Variants in PRUNE2 observed in about 807,000 individuals in gnomAD.
The protein encoded by PRUNE2 is prune homolog 2 with BCH domain.
A neutral mutation model predicts 252.0 loss-of-function variants in PRUNE2; 164 were observed. The ratio of observed to expected loss-of-function variants is 0.65; its 90% confidence interval spans 0.57 to 0.74. The LOEUF is 0.74. Ranked by LOEUF, PRUNE2 falls within the 30% of genes least tolerant of loss-of-function variation. The probability of loss-of-function intolerance (pLI) is 0.00; values close to 1 mark genes in which losing one functional copy is unlikely to be tolerated. For synonymous variants in PRUNE2, 1,292 were observed against 1,350.2 expected, an observed-to-expected ratio of 0.96 and a Z score of 0.94; for missense variants, 3,495 against 3,711.0, an observed-to-expected ratio of 0.94 and a Z score of 1.51.
intron 6 of PRUNE2, among the ~76,000 whole-genome samples, chr9:76,719,739 C>G (rs966887206): frequency 1.3e-5 from 2 of 151,926 alleles, no homozygotes; most frequent in African/African-American, 4.8e-5. Flanking sequence ...ACTCAACCTC[C>G]TAGGCTCAAG....
chr9:76,614,391 C>T lies in PRUNE2; in HGVS notation c.*179G>A. ...ATAATTGGCAAAATAGGAAAGTACA[C>T]ACAATTTCATAAAATATCTTAAGAG... On this transcript the variant is annotated 3_prime_UTR_variant, in exon 19 of 19. Transcript: ENST00000376718. 1 of 627,996 alleles carries T rather than the reference C, an allele frequency of 1.6e-6. No individual in the cohort carries two copies. The highest frequency in any genetic ancestry group is 2.8e-6 in the Non-Finnish European group (1 of 357,364). The allele number at this position is 627,996 out of a possible 1,614,324, so 38.9% of individuals were successfully genotyped here.
intron 1 of PRUNE2, among the ~76,000 whole-genome samples, chr9:76,870,710 A>G (rs868070232): frequency 2.0e-5 from 3 of 150,922 alleles, no homozygotes; most frequent in Admixed American, 6.6e-5. Context: ...AAAATCCTCA[A>G]TGGGTTGGTT....
At chr9:76,814,731 G>A (rs772725898) in intron 6 of PRUNE2, among the ~76,000 whole-genome samples, 1 of 152,128 alleles carries the variant, frequency 6.6e-6, no homozygotes, top group African/African-American at 2.4e-5. Context: ...AGGCATGTTG[G>A]GGGTGGGGGA....
chr9:76,744,639 T>A (rs2049943826), intron 6 of PRUNE2, among the ~76,000 whole-genome samples: 1 of 152,172 alleles, frequency 6.6e-6, no homozygotes, highest in South Asian at 2.1e-4. Flanking sequence ...CTTGCTGAGT[T>A]CCCACATGTT....
intron 12 of PRUNE2, among the ~76,000 whole-genome samples, chr9:76,640,430 AT>A (rs1842073598): frequency 1.3e-5 from 2 of 152,222 alleles, no homozygotes; most frequent in Non-Finnish European, 2.9e-5. Flanking sequence ...TGTATACAGT[AT>A]TTATACTACA....
At position 76,706,403 on chromosome 9, in the gene PRUNE2, C is replaced by T; in HGVS notation, c.5871G>A (p.Glu1957=). The T allele has an allele frequency of 6.2e-7, 1 of 1,605,318 alleles. No individual in the cohort carries two copies. The highest frequency in any genetic ancestry group is 8.5e-7 in the Non-Finnish European group (1 of 1,179,064). The change falls in exon 8 of 19, where the codon GAG becomes GAA. Residue 1957 remains glutamate (E), a synonymous_variant. Coordinates refer to ENST00000376718, the MANE Select transcript of PRUNE2 (RefSeq NM_015225.3). The part of the protein sequence containing the change: ...DELTPETPTQ[E]QCQDTMLPVC... The stretch of plus-strand genomic sequence containing the variant: ...CTGGCAGCATGGTGTCCTGACACTG[C>T]TCTTGGGTAGGTGTTTCAGGAGTCA...
intron 6 of PRUNE2, among the ~76,000 whole-genome samples, chr9:76,752,167 G>A (rs958096097): frequency 7.3e-5 from 11 of 150,278 alleles, no homozygotes; most frequent in Non-Finnish European, 1.6e-4. Context: ...GTGCAATCTC[G>A]GCTCACTGCA....
chr9:76,629,738 T>G (rs1836661993), intron 15 of PRUNE2, among the ~76,000 whole-genome samples: 1 of 152,164 alleles, frequency 6.6e-6, no homozygotes, highest in Non-Finnish European at 1.5e-5. Flanking sequence ...TTGTGGTTTT[T>G]GACCAACATT....
chr9:76,730,658 T>C (rs1372219443), intron 6 of PRUNE2, among the ~76,000 whole-genome samples: 1 of 152,224 alleles, frequency 6.6e-6, no homozygotes, highest in African/African-American at 2.4e-5. Context: ...TCCTGGCATT[T>C]TGGGAGGCCA....
chr9:76,778,604 G>A (rs977300286), intron 6 of PRUNE2: 1 of 152,228 alleles, frequency 6.6e-6, no homozygotes. Flanking sequence ...TTGAGTGAAT[G>A]TGGATGATTG....
At chr9:76,844,259 T>G (rs1727246584) in intron 4 of PRUNE2, among the ~76,000 whole-genome samples, 1 of 152,102 alleles carries the variant, frequency 6.6e-6, no homozygotes, top group Non-Finnish European at 1.5e-5. Flanking sequence ...GGTGTTTGAG[T>G]CAGGGGGGCC....
At chr9:76,764,847 T>A (rs1395140335) in intron 6 of PRUNE2, among the ~76,000 whole-genome samples, 1 of 152,082 alleles carries the variant, frequency 6.6e-6, no homozygotes, top group Admixed American at 6.6e-5. Context: ...GGAAGGTACT[T>A]GATATTAGAG....
intron 9 of PRUNE2, among the ~76,000 whole-genome samples, chr9:76,664,686 A>C (rs950722588): frequency 6.6e-6 from 1 of 151,964 alleles, no homozygotes; most frequent in African/African-American, 2.4e-5. Context: ...ATGCCGAGCT[A>C]ATTTTTAGGA....
intron 12 of PRUNE2, among the ~76,000 whole-genome samples, chr9:76,642,993 G>A (rs991921209): frequency 1.3e-5 from 2 of 152,172 alleles, no homozygotes; most frequent in Non-Finnish European, 2.9e-5. Flanking sequence ...GAATGGAGAC[G>A]AGCAAATGGC....
Position 76,879,898 on chromosome 9 carries a change from TA to T in PRUNE2, c.37-25691del, listed in dbSNP as rs1316022236. 6.5e-3 allele frequency among the ~76,000 whole-genome samples: 605 copies of T among 92,778 alleles called. 17 individuals carry two copies. The highest frequency in any genetic ancestry group is 0.032 in the African/African-American group (558 of 17,488). 60.9% of individuals were successfully genotyped at this position (92,778 alleles called of 152,430 possible). On this transcript the variant is annotated intron_variant, in intron 1 of 18. Transcript: ENST00000376718. ...CCTGTCATATATATATATATATATA[TA>T]TATATTTTTTTTTTTTTTTTTTTTT...
chr9:76,693,283 T>C (rs1006471068), intron 9 of PRUNE2, among the ~76,000 whole-genome samples: 5 of 148,972 alleles, frequency 3.4e-5, no homozygotes, highest in African/African-American at 1.0e-4. Flanking sequence ...TTTTCTTTTT[T>C]TGATGGGGGG....
chr9:76,638,431 T>C (rs3739518), intron 12 of PRUNE2, 143 bp from the exon 13 acceptor site: 124,320 of 617,814 alleles, frequency 0.2, 13,384 homozygotes, highest in Non-Finnish European at 0.22. Flanking sequence ...ATGTTGACTA[T>C]AGGTCTGTAG....
intron 1 of PRUNE2, among the ~76,000 whole-genome samples, chr9:76,856,760 T>C (rs2132691730): frequency 6.7e-6 from 1 of 150,140 alleles, no homozygotes; most frequent in East Asian, 1.9e-4. Context: ...TTCTTTTTCT[T>C]TTTTTTTTTC....
At chr9:76,744,372 C>T (rs931763715) in intron 6 of PRUNE2, among the ~76,000 whole-genome samples, 6 of 152,180 alleles carry the variant, frequency 3.9e-5, no homozygotes, top group African/African-American at 1.4e-4. Flanking sequence ...AGAGAGGCCT[C>T]ACTGGTGATA....
Sources: allele counts gnomAD v4.1 joint callset (sites outside exome capture counted in the v4.1 genomes callset), GRCh38; gene constraint gnomAD v4.1.1; transcripts MANE v1.5; gene names NCBI Gene and HGNC (gene_info 2026-07-23, HGNC 2026-07-21).